NBPF3: variants seen among roughly 807,000 people sequenced by gnomAD.
NBPF3 encodes NBPF member 3, also known as NBPF family member NBPF3.
A neutral mutation model predicts 78.1 loss-of-function variants in NBPF3; 57 were observed. The ratio of observed to expected loss-of-function variants is 0.73; its 90% CI spans 0.59 to 0.91. The LOEUF is 0.91. Ranked by LOEUF, NBPF3 falls within the 40% of genes least tolerant of loss-of-function variation. NBPF3 has a pLI of 0.00. For synonymous variants in NBPF3, 182 were observed against 271.7 expected (o/e 0.67, Z 3.25); for missense variants, 510 against 715.3 (o/e 0.71, Z 3.27).
chr1:21,467,052 C>A (rs1276098418), intron 2 of NBPF3: 23 of 983,482 alleles, frequency 2.3e-5, no homozygotes, highest in Non-Finnish European at 2.7e-5. Flanking sequence ...TGTGAACCTG[C>A]AGTTTTATCA....
chr1:21,471,258 G>T (rs1238172355), intron 4 of NBPF3, among the ~76,000 whole-genome samples: 1 of 152,128 alleles, frequency 6.6e-6, no homozygotes. Flanking sequence ...AATGTCCATG[G>T]CCAGAGTGAG....
chr1:21,466,106 G>T, intron 2 of NBPF3: 1 of 985,520 alleles, frequency 1.0e-6, no homozygotes, highest in Non-Finnish European at 1.2e-6. Context: ...GGAGGAGCCC[G>T]AATCACTGAT....
Position 21,445,056 on chromosome 1 carries a change from G to C in NBPF3, c.-31G>C. 1.9e-6 allele frequency: 3 copies of C among 1,602,718 alleles called. No individual in the cohort carries two copies. The highest frequency in any genetic ancestry group is 2.6e-6 in the Non-Finnish European group (3 of 1,173,984). On this transcript the variant is annotated 5_prime_UTR_variant, in exon 2 of 15. Coordinates refer to ENST00000318249, the MANE Select transcript of NBPF3 (RefSeq NM_032264.6). ...CCTCCTGAGGGTATCTGGAGCTTCA[G>C]TGCTGTGTGCTCTTGGCCTCCACAC...
upstream of NBPF3, among the ~76,000 whole-genome samples, chr1:21,438,678 T>G (rs1640481982): frequency 6.6e-6 from 1 of 152,010 alleles, no homozygotes; most frequent in Non-Finnish European, 1.5e-5. Context: ...TCCTATGGAG[T>G]CGTTCCTGTT....
intron 2 of NBPF3, chr1:21,445,999 A>G (rs1404782335): frequency 6.6e-6 from 1 of 152,492 alleles, no homozygotes; most frequent in East Asian, 1.9e-4. Context: ...AGAAAGGGGC[A>G]TGGCCCGTTT....
At chr1:21,478,942 A>G (rs1002045756) in intron 9 of NBPF3, among the ~76,000 whole-genome samples, 3 of 152,230 alleles carry the variant, frequency 2.0e-5, no homozygotes, top group Non-Finnish European at 4.4e-5. Flanking sequence ...GAGCTGGTAC[A>G]TTGCACCCCT....
chr1:21,468,538 G>A (rs2147978724), intron 2 of NBPF3, 150 bp from the exon 3 acceptor site: 3 of 1,507,650 alleles, frequency 2.0e-6, no homozygotes, highest in Non-Finnish European at 2.7e-6. Flanking sequence ...TGTTTTTGTC[G>A]TTAAGGATCC....
chr1:21,474,210 C>CTTTT (rs11453851), intron 7 of NBPF3, among the ~76,000 whole-genome samples: 2 of 143,890 alleles, frequency 1.4e-5, no homozygotes, highest in Admixed American at 7.0e-5. Context: ...TTTTCTTTTT[C>CTTTT]TTTTTTTTTT....
chr1:21,470,011 G>C (rs72872288), intron 3 of NBPF3, among the ~76,000 whole-genome samples: 2,383 of 81,652 alleles, frequency 0.029, 57 homozygotes, highest in African/African-American at 0.073. Context: ...ACTTTTATTG[G>C]CACAGAGTTA....
chr1:21,478,543 A>G (rs902103334), intron 9 of NBPF3, among the ~76,000 whole-genome samples: 2 of 152,250 alleles, frequency 1.3e-5, no homozygotes, highest in Non-Finnish European at 2.9e-5. Flanking sequence ...CCCTGGACTG[A>G]CTGTCAGGAC....
rs1404020935 is a variant in NBPF3 at position 21,460,847 on chromosome 1, G to A, written c.134-7841G>A. Among the ~76,000 whole-genome samples the A allele has an allele frequency of 1.3e-5, 2 of 152,030 alleles. No homozygotes were observed. Among genetic ancestry groups the A allele is most frequent in the East Asian group, 3.9e-4 (2 of 5,188 alleles). Reference sequence around the variant, plus strand: ...GACCAGGAATAGCAAATAATTATTTGCTATATAATATAGCAAAAAATGTGT... The same window carrying A: ...GACCAGGAATAGCAAATAATTATTTACTATATAATATAGCAAAAAATGTGT... On this transcript the variant is annotated intron_variant, in intron 2 of 14. Transcript: ENST00000318249. This position sits in a 1 kb window ranked among gnomAD's most constrained non-coding sequence, Gnocchi z 4.2.
chr1:21,479,185 T>C (rs1643044065), intron 9 of NBPF3, among the ~76,000 whole-genome samples, 164 bp from the exon 10 acceptor site: 1 of 152,232 alleles, frequency 6.6e-6, no homozygotes, highest in South Asian at 2.1e-4. Flanking sequence ...CCAAGTCAGT[T>C]CTCTCAAGAC....
At chr1:21,446,349 C>T (rs2147901531) in intron 2 of NBPF3, 1 of 152,288 alleles carries the variant, frequency 6.6e-6, no homozygotes, top group African/African-American at 2.4e-5. Flanking sequence ...TACAGTAGCG[C>T]ATCTTTCTCT....
chr1:21,477,353 C>T (rs535474292), intron 8 of NBPF3, among the ~76,000 whole-genome samples: 22 of 152,270 alleles, frequency 1.4e-4, no homozygotes, highest in African/African-American at 4.8e-4. Flanking sequence ...GGAGAAGGGG[C>T]GCTCTGGTTT....
intron 2 of NBPF3, among the ~76,000 whole-genome samples, chr1:21,464,724 A>G (rs1482706316): frequency 6.6e-6 from 1 of 151,888 alleles, no homozygotes; most frequent in Non-Finnish European, 1.5e-5. Context: ...AAAGCATTTC[A>G]GGGCCAGGTT....
intron 2 of NBPF3, among the ~76,000 whole-genome samples, chr1:21,466,466 T>C (rs1558493185): frequency 6.6e-6 from 1 of 152,296 alleles, no homozygotes; most frequent in South Asian, 2.1e-4. Context: ...GGCCAAAGTC[T>C]TAGTGAGAAT....
intron 12 of NBPF3, among the ~76,000 whole-genome samples, chr1:21,481,288 A>G (rs1643211110): frequency 6.6e-6 from 1 of 151,168 alleles, no homozygotes; most frequent in Non-Finnish European, 1.5e-5. Flanking sequence ...TGATCACTGT[A>G]TGCTGTGTGC....
intron 1 of NBPF3, 33 bp from the exon 2 acceptor site, chr1:21,444,915 T>C (rs994020362): frequency 2.0e-4 from 134 of 654,214 alleles, no homozygotes; most frequent in Middle Eastern, 1.3e-3. Flanking sequence ...CAAATCTCAA[T>C]GTTAACCTTG....
chr1:21,473,300 T>C lies in NBPF3; in HGVS notation c.735-80T>C, dbSNP rs941807861. ...TGGACCACTCTCTTAATGCCTCCTG[T>C]CGAAACCAGCTAGCACTCCCTGGTG... On this transcript the variant is annotated intron_variant, in intron 6 of 14. Transcript: ENST00000318249. The C allele has an allele frequency of 2.6e-6, 4 of 1,516,752 alleles. No homozygotes were observed. In the African/African-American group the frequency reaches 5.5e-5, roughly 21 times the overall value. 94.0% of individuals were successfully genotyped at this position (1,516,752 alleles called of 1,614,324 possible).
Sources: allele counts gnomAD v4.1 joint callset (sites outside exome capture counted in the v4.1 genomes callset), GRCh38; gene constraint gnomAD v4.1.1; non-coding constraint Gnocchi (gnomAD v3.1); transcripts MANE v1.5; gene names NCBI Gene and HGNC (gene_info 2026-07-23, HGNC 2026-07-21).